Variants in SEMA5A observed in about 807,000 individuals in gnomAD.
SEMA5A encodes the protein semaphorin-5A.
A neutral mutation model predicts 135.5 loss-of-function variants in SEMA5A; 55 were observed. That is an observed-to-expected ratio of 0.41 (90% CI 0.33 to 0.51). The LOEUF (loss-of-function observed/expected upper bound fraction) is 0.51, where lower values mean the gene tolerates loss of function less well. SEMA5A is among the 20% of genes least tolerant of loss of function. The pLI, the probability that SEMA5A is intolerant of heterozygous loss-of-function variation, is 0.37. For synonymous variants in SEMA5A, 580 were observed against 546.5 expected (o/e 1.06, Z -0.85); for missense variants, 1,290 against 1,419.9 (o/e 0.91, Z 1.47).
At chr5:9,433,260 C>A (rs1757918137) in intron 2 of SEMA5A, among the ~76,000 whole-genome samples, 1 of 152,022 alleles carries the variant, frequency 6.6e-6, no homozygotes, top group African/African-American at 2.4e-5. Context: ...TTAATACAAT[C>A]AGAAGAAAGT....
At chr5:9,283,203 A>C (rs907043252) in intron 5 of SEMA5A, among the ~76,000 whole-genome samples, 8 of 152,200 alleles carry the variant, frequency 5.3e-5, no homozygotes, top group Non-Finnish European at 1.0e-4. Flanking sequence ...CCTATGAATT[A>C]TCTCTCAGTT....
chr5:9,136,421 C>A, intron 13 of SEMA5A, 83 bp downstream of exon 13: 2 of 1,143,158 alleles, frequency 1.7e-6, no homozygotes, highest in South Asian at 1.3e-5. Context: ...GTGCAGACAG[C>A]GTGACAGTGT....
chr5:9,334,907 G>T (rs1753314380), intron 4 of SEMA5A, among the ~76,000 whole-genome samples: 1 of 152,160 alleles, frequency 6.6e-6, no homozygotes, highest in Non-Finnish European at 1.5e-5. Context: ...ATGCCATACA[G>T]CATGCTAGGT....
chr5:9,142,457 A>G (rs1420830546), intron 12 of SEMA5A, among the ~76,000 whole-genome samples: 1 of 152,162 alleles, frequency 6.6e-6, no homozygotes, highest in Non-Finnish European at 1.5e-5. Context: ...GTTTCCTTGC[A>G]AGTGTTGCAT....
At chr5:9,164,968 T>C (rs1013705331) in intron 11 of SEMA5A, among the ~76,000 whole-genome samples, 1 of 152,132 alleles carries the variant, frequency 6.6e-6, no homozygotes. Flanking sequence ...GTAAAAACAG[T>C]GCACAATTGT....
chr5:9,219,134 T>G (rs1746793008), intron 8 of SEMA5A, among the ~76,000 whole-genome samples: 1 of 152,216 alleles, frequency 6.6e-6, no homozygotes, highest in Non-Finnish European at 1.5e-5. Flanking sequence ...CTCCAAAGCT[T>G]CTACTGTCTA....
chr5:9,284,886 C>T (rs549822405), intron 5 of SEMA5A, among the ~76,000 whole-genome samples: 9 of 152,122 alleles, frequency 5.9e-5, no homozygotes, highest in Non-Finnish European at 1.2e-4. Flanking sequence ...GGGAAGGATC[C>T]GTCCTGGCAG....
chr5:9,279,540 G>A (rs1750436715), intron 5 of SEMA5A, among the ~76,000 whole-genome samples: 1 of 152,064 alleles, frequency 6.6e-6, no homozygotes, highest in East Asian at 1.9e-4. Flanking sequence ...ATTTGGGAGG[G>A]GCTGGGGCAG....
chr5:9,363,036 G>A (rs1447360522), intron 3 of SEMA5A, among the ~76,000 whole-genome samples: 1 of 152,072 alleles, frequency 6.6e-6, no homozygotes, highest in African/African-American at 2.4e-5. Context: ...AATAGGGTCA[G>A]GAAAATCCAT....
intron 11 of SEMA5A, among the ~76,000 whole-genome samples, chr5:9,178,380 T>C (rs567223740): frequency 6.7e-6 from 1 of 148,812 alleles, no homozygotes; most frequent in East Asian, 2.0e-4. Context: ...TAACCCAGGC[T>C]GGAGTGCAAT....
chr5:9,424,602 C>T (rs1461864031), intron 2 of SEMA5A, among the ~76,000 whole-genome samples: 10 of 152,182 alleles, frequency 6.6e-5, no homozygotes, highest in Admixed American at 6.5e-4. Flanking sequence ...TGAAAGCCTT[C>T]AACTCAAAGT....
At chr5:9,134,238 T>A (rs1258417270) in intron 13 of SEMA5A, among the ~76,000 whole-genome samples, 3 of 152,118 alleles carry the variant, frequency 2.0e-5, no homozygotes, top group African/African-American at 7.2e-5. Context: ...CTCAAACTCT[T>A]AGGCTCAAGC....
chr5:9,248,820 T>A (rs1411966684), intron 5 of SEMA5A, among the ~76,000 whole-genome samples: 1 of 152,130 alleles, frequency 6.6e-6, no homozygotes, highest in Non-Finnish European at 1.5e-5. Flanking sequence ...TCCCCCAAAC[T>A]TCTGGAGAAA....
chr5:9,397,901 A>G (rs1756473043), intron 2 of SEMA5A, among the ~76,000 whole-genome samples: 1 of 152,152 alleles, frequency 6.6e-6, no homozygotes, highest in Non-Finnish European at 1.5e-5. Flanking sequence ...GAATTCTCAT[A>G]CCAAATTCTC....
intron 4 of SEMA5A, among the ~76,000 whole-genome samples, chr5:9,329,349 C>T (rs1323644292): frequency 1.3e-5 from 2 of 152,166 alleles, no homozygotes; most frequent in African/African-American, 2.4e-5. Flanking sequence ...AAAGCAGCCA[C>T]AGAAGATGTG....
At position 9,190,283 on chromosome 5, in the gene SEMA5A, G is replaced by A. The variant is rs759242626; in HGVS notation, c.1257C>T (p.Ile419=). 1 of 1,614,090 alleles carries A rather than the reference G, an allele frequency of 6.2e-7. No individual in the cohort carries two copies. Among genetic ancestry groups the A allele is most frequent in the Non-Finnish European group, 8.5e-7 (1 of 1,180,030 alleles). The stretch of plus-strand genomic sequence containing the variant: ...AGCTCCTACCTGTGGCCAAATAGAT[G>A]ATGTGGACGAGCGCTTCTCTGCCCT... ...VVQGREALVH[I]IYLATDYGTI... The change falls in exon 11 of 23, where the codon ATC becomes ATT. Residue 419 remains isoleucine, a synonymous_variant. Coordinates refer to ENST00000382496, the MANE Select transcript of SEMA5A (RefSeq NM_003966.3).
chr5:9,076,535 T>G (rs2150092727), intron 16 of SEMA5A, among the ~76,000 whole-genome samples: 1 of 152,300 alleles, frequency 6.6e-6, no homozygotes, highest in South Asian at 2.1e-4. Context: ...GCATTGTACT[T>G]GGGTGGTGGA....
chr5:9,507,672 A>G lies in SEMA5A; in HGVS notation c.-175+37912T>C, dbSNP rs545797831. ...CCAGGCAGAACTCGTGCTCTACCCTAGAGGCACCCACCGTGGAAGGCTGCT... is the reference window on the plus strand; with the variant it reads ...CCAGGCAGAACTCGTGCTCTACCCTGGAGGCACCCACCGTGGAAGGCTGCT... On this transcript the variant is annotated intron_variant, in intron 1 of 22. Coordinates refer to ENST00000382496, the MANE Select transcript of SEMA5A (RefSeq NM_003966.3). Among the ~76,000 whole-genome samples, 10 of 151,968 alleles carry G rather than the reference A, an allele frequency of 6.6e-5. No individual in the cohort carries two copies. In the East Asian group the frequency reaches 1.9e-3, roughly 30 times the overall value.
chr5:9,248,768 C>T (rs1452218515), intron 5 of SEMA5A, among the ~76,000 whole-genome samples: 5 of 151,966 alleles, frequency 3.3e-5, no homozygotes, highest in South Asian at 2.1e-4. Flanking sequence ...TCAAGGAGGC[C>T]GGCAGCCACC....
Sources: gnomAD v4.1 joint callset for allele counts (sites outside exome capture counted in the v4.1 genomes callset) on GRCh38, gnomAD v4.1.1 for gene constraint, MANE v1.5 for transcripts, NCBI Gene and HGNC (gene_info 2026-07-23, HGNC 2026-07-21) for gene names.